SH3RF3: variants seen among roughly 807,000 people sequenced by gnomAD.
The protein encoded by SH3RF3 is SH3 domain containing ring finger 3.
Under a neutral mutation model 66.3 loss-of-function variants are expected in SH3RF3, and 29 were observed. The ratio of observed to expected loss-of-function variants is 0.44; its 90% CI spans 0.33 to 0.60. The LOEUF (loss-of-function observed/expected upper bound fraction) is 0.60, where lower values mean the gene tolerates loss of function less well. Among genes scored for constraint, SH3RF3 ranks in the 20% least tolerant of loss-of-function variants. SH3RF3 has a pLI of 0.04. For synonymous variants in SH3RF3, 583 were observed against 532.0 expected, an observed-to-expected ratio of 1.10 and a Z score of -1.32; for missense variants, 1,194 against 1,190.9, an observed-to-expected ratio of 1.00 and a Z score of -0.04.
At chr2:109,324,864 G>A (rs191907277) in intron 1 of SH3RF3, among the ~76,000 whole-genome samples, 29 of 152,312 alleles carry the variant, frequency 1.9e-4, no homozygotes, top group East Asian at 5.8e-4. Context: ...AAGCACGCAC[G>A]CTGGCACACT....
At chr2:109,496,536 G>A (rs1407910641) in intron 9 of SH3RF3, among the ~76,000 whole-genome samples, 1 of 152,208 alleles carries the variant, frequency 6.6e-6, no homozygotes, top group Non-Finnish European at 1.5e-5. Flanking sequence ...GTAAGTCAGT[G>A]AGGGTGAGGG....
intron 1 of SH3RF3, among the ~76,000 whole-genome samples, chr2:109,134,472 G>A (rs1390422755): frequency 6.6e-6 from 1 of 152,208 alleles, no homozygotes; most frequent in Non-Finnish European, 1.5e-5. Context: ...CAGCCAGCGA[G>A]TGAATAATCT....
At chr2:109,399,031 T>G in intron 4 of SH3RF3, 88 bp downstream of exon 4, 1 of 1,355,444 alleles carries the variant, frequency 7.4e-7, no homozygotes, top group Non-Finnish European at 1.0e-6. Context: ...GTTCCTCAAC[T>G]AGCATGGAGG....
At chr2:109,140,107 C>G (rs949930076) in intron 1 of SH3RF3, among the ~76,000 whole-genome samples, 2 of 152,136 alleles carry the variant, frequency 1.3e-5, no homozygotes, top group African/African-American at 4.8e-5. Flanking sequence ...CCTGGGAGGC[C>G]CCTTTTCCCT....
At chr2:109,476,756 C>T (rs1330852646) in intron 8 of SH3RF3, among the ~76,000 whole-genome samples, 1 of 152,224 alleles carries the variant, frequency 6.6e-6, no homozygotes, top group African/African-American at 2.4e-5. Context: ...GTTCCATAGA[C>T]AGCAGCCCTG....
chr2:109,350,516 C>T (rs1266343976), intron 2 of SH3RF3, among the ~76,000 whole-genome samples: 1 of 152,218 alleles, frequency 6.6e-6, no homozygotes, highest in African/African-American at 2.4e-5. Flanking sequence ...GACCCTCTGA[C>T]CCCCAAAGGG....
intron 1 of SH3RF3, among the ~76,000 whole-genome samples, chr2:109,146,756 C>T (rs1389283577): frequency 6.6e-6 from 1 of 151,704 alleles, no homozygotes; most frequent in Non-Finnish European, 1.5e-5. Context: ...ACAATCCTTC[C>T]TTCGAAAACT....
intron 4 of SH3RF3, among the ~76,000 whole-genome samples, chr2:109,413,554 G>A (rs560968396): frequency 6.6e-6 from 1 of 152,198 alleles, no homozygotes; most frequent in African/African-American, 2.4e-5. Context: ...GTGTCTTCCT[G>A]TCTGTCTCTC....
intron 7 of SH3RF3, among the ~76,000 whole-genome samples, chr2:109,448,479 C>T (rs926243948): frequency 6.6e-6 from 1 of 152,130 alleles, no homozygotes; most frequent in Non-Finnish European, 1.5e-5. Flanking sequence ...ACCTGAGCTC[C>T]ACCACCCATC....
chr2:109,366,779 GA>G (rs1683158910), intron 2 of SH3RF3, among the ~76,000 whole-genome samples: 2 of 152,194 alleles, frequency 1.3e-5, no homozygotes, highest in African/African-American at 4.8e-5. Flanking sequence ...CTTGCGCCTG[GA>G]AAGTCAAAGC....
chr2:109,335,481 C>G (rs1051858180), intron 1 of SH3RF3, among the ~76,000 whole-genome samples: 1 of 152,198 alleles, frequency 6.6e-6, no homozygotes, highest in African/African-American at 2.4e-5. Flanking sequence ...CGTCGACTAG[C>G]CCTCGCTCAT....
chr2:109,147,883 T>A (rs1348967099), intron 1 of SH3RF3, among the ~76,000 whole-genome samples: 1 of 152,264 alleles, frequency 6.6e-6, no homozygotes, highest in African/African-American at 2.4e-5. Context: ...TTAGACCTTT[T>A]ATAAACTCTG....
chr2:109,211,035 C>G (rs575395256), intron 1 of SH3RF3, among the ~76,000 whole-genome samples: 33 of 152,192 alleles, frequency 2.2e-4, no homozygotes, highest in Non-Finnish European at 3.8e-4. Context: ...GATGACAGCT[C>G]TTCAGTTGAG....
At chr2:109,438,974 ATC>A (rs1677489177) in intron 7 of SH3RF3, among the ~76,000 whole-genome samples, 3 of 152,196 alleles carry the variant, frequency 2.0e-5, no homozygotes, top group Non-Finnish European at 2.9e-5. Context: ...GGCCCCACTC[ATC>A]ACGGTGAGTC....
intron 8 of SH3RF3, among the ~76,000 whole-genome samples, chr2:109,474,381 C>T (rs1228862179): frequency 6.6e-6 from 1 of 152,136 alleles, no homozygotes; most frequent in Non-Finnish European, 1.5e-5. Flanking sequence ...GAGCTAGCTG[C>T]GTCTAACAAA....
At chr2:109,468,779 G>A (rs1377418349) in intron 8 of SH3RF3, among the ~76,000 whole-genome samples, 3 of 150,800 alleles carry the variant, frequency 2.0e-5, no homozygotes, top group African/African-American at 7.4e-5. Flanking sequence ...GCTTGAGCCT[G>A]GGAGGTGGAG....
At chr2:109,315,874 C>T (rs951737421) in intron 1 of SH3RF3, among the ~76,000 whole-genome samples, 4 of 152,192 alleles carry the variant, frequency 2.6e-5, no homozygotes, top group African/African-American at 9.6e-5. Flanking sequence ...GCATCAAAGC[C>T]ACCAGTTCCC....
intron 2 of SH3RF3, among the ~76,000 whole-genome samples, chr2:109,365,070 A>G (rs111230656): frequency 0.029 from 4,391 of 152,124 alleles, 158 homozygotes; most frequent in African/African-American, 0.089. Flanking sequence ...AAACAAACAA[A>G]CAAACAAAAC....
intron 1 of SH3RF3, among the ~76,000 whole-genome samples, chr2:109,170,872 G>A (rs1024173012): frequency 4.6e-5 from 7 of 152,140 alleles, no homozygotes; most frequent in African/African-American, 1.2e-4. Context: ...GCTACCTTGC[G>A]TCACCTTCCT....
Sources: gnomAD v4.1 joint callset for allele counts (sites outside exome capture counted in the v4.1 genomes callset) on GRCh38, gnomAD v4.1.1 for gene constraint, MANE v1.5 for transcripts, NCBI Gene and HGNC (gene_info 2026-07-23, HGNC 2026-07-21) for gene names.